The following CCND3 variants were observed in gnomAD, a reference collection of about 807,000 sequenced individuals.
The protein encoded by CCND3 is cyclin D3.
CCND3 carries 9 observed loss-of-function variants against 28.7 expected under a neutral mutation model. The ratio of observed to expected loss-of-function variants is 0.31; its 90% CI spans 0.19 to 0.55. CCND3 has a LOEUF of 0.55. Among genes scored for constraint, CCND3 ranks in the 20% least tolerant of loss-of-function variants. CCND3 has a pLI of 0.93. For missense variants in CCND3, 315 were observed against 385.8 expected (o/e 0.82, Z 1.54); for synonymous variants, 164 against 163.9 (o/e 1.00, Z 0.00).
At chr6:41,959,469 G>T (rs539316370) in intron 1 of CCND3, among the ~76,000 whole-genome samples, 15 of 152,172 alleles carry the variant, frequency 9.9e-5, no homozygotes, top group Admixed American at 3.3e-4. Flanking sequence ...CAGATCACAA[G>T]GTCAGGAGAT....
chr6:42,044,519 C>T (rs1019509021), intron 1 of CCND3, among the ~76,000 whole-genome samples: 1 of 152,218 alleles, frequency 6.6e-6, no homozygotes, highest in African/African-American at 2.4e-5. Context: ...TTGAGGTCGT[C>T]TTGCTGGCAG....
At chr6:41,997,567 C>T (rs1018359290) in intron 1 of CCND3, among the ~76,000 whole-genome samples, 2 of 152,058 alleles carry the variant, frequency 1.3e-5, no homozygotes, top group Non-Finnish European at 2.9e-5. Flanking sequence ...ACCTACTTTA[C>T]CAAACAGCTT....
At chr6:42,044,825 G>A (rs953185706) in intron 1 of CCND3, among the ~76,000 whole-genome samples, 1 of 144,318 alleles carries the variant, frequency 6.9e-6, no homozygotes, top group Admixed American at 6.8e-5. Flanking sequence ...GTCTCACTCT[G>A]TTGCCCAGGC....
chr6:42,000,234 C>CTGTTTTTTTTTTTTTTTT (rs1762952658), intron 1 of CCND3, among the ~76,000 whole-genome samples: 1 of 51,012 alleles, frequency 2.0e-5, no homozygotes, highest in African/African-American at 9.2e-5. Context: ...TGAAAACATA[C>CTGTTTTTTTTTTTTTTTT]TTTTTTTTTT....
chr6:41,981,056 A>C (rs146884027), intron 1 of CCND3, among the ~76,000 whole-genome samples: 1 of 152,210 alleles, frequency 6.6e-6, no homozygotes, highest in Non-Finnish European at 1.5e-5. Flanking sequence ...AATAAAAAGC[A>C]TAAGATGGGG....
intron 1 of CCND3, among the ~76,000 whole-genome samples, chr6:42,044,957 G>GTTTTTTTTT (rs1231639248): frequency 1.9e-4 from 9 of 47,138 alleles, no homozygotes; most frequent in African/African-American, 5.0e-4. Flanking sequence ...CCCGGCTAAC[G>GTTTTTTTTT]TTTTTTTTTT....
intron 1 of CCND3, among the ~76,000 whole-genome samples, chr6:42,042,286 C>T (rs1649998035): frequency 6.6e-6 from 1 of 151,950 alleles, no homozygotes; most frequent in Non-Finnish European, 1.5e-5. Flanking sequence ...ACTCAAAGGA[C>T]GTATGGCCTG....
intron 1 of CCND3, chr6:42,018,478 G>A (rs1248252650): frequency 6.6e-6 from 1 of 152,036 alleles, no homozygotes; most frequent in South Asian, 2.1e-4. Flanking sequence ...TCTCTGTATC[G>A]TTCCAATTTT....
At chr6:41,970,477 C>T (rs1762006942) in intron 1 of CCND3, among the ~76,000 whole-genome samples, 1 of 152,158 alleles carries the variant, frequency 6.6e-6, no homozygotes, top group Non-Finnish European at 1.5e-5. Context: ...CTTAATAAGC[C>T]TGTGGTGAGA....
At chr6:42,027,382 G>A (rs1438480688) in intron 1 of CCND3, among the ~76,000 whole-genome samples, 1 of 151,830 alleles carries the variant, frequency 6.6e-6, no homozygotes, top group South Asian at 2.1e-4. Flanking sequence ...AGAGCTTGCA[G>A]CGAGCCGAGA....
In CCND3 at chr6:41,939,606, A is replaced by C. The variant is rs544331922; in HGVS notation, c.414+764T>G. Among the ~76,000 whole-genome samples, 1 of 152,232 alleles carries C rather than the reference A, an allele frequency of 6.6e-6. No individual in the cohort carries two copies. The highest frequency in any genetic ancestry group is 1.9e-4 in the East Asian group (1 of 5,168). On this transcript the variant is annotated intron_variant, in intron 2 of 4. Coordinates refer to ENST00000372991, the MANE Select transcript of CCND3 (RefSeq NM_001760.5). This position sits in a 1 kb window ranked among gnomAD's most constrained non-coding sequence, Gnocchi z 4.2. Reference sequence around the variant, plus strand: ...CAGCAGCTCCCCACAGGGTTATGAAAGACCTTGGTCAGAGAGGGCGGGCCA... The same window carrying C: ...CAGCAGCTCCCCACAGGGTTATGAACGACCTTGGTCAGAGAGGGCGGGCCA...
At chr6:42,007,904 A>G (rs925974784) in intron 1 of CCND3, among the ~76,000 whole-genome samples, 31 of 152,176 alleles carry the variant, frequency 2.0e-4, no homozygotes, top group Middle Eastern at 3.4e-3. Context: ...AAGGCCACTC[A>G]GTGAAGAAAC....
At chr6:41,951,974 C>T (rs1286462261) in intron 1 of CCND3, among the ~76,000 whole-genome samples, 2 of 152,082 alleles carry the variant, frequency 1.3e-5, no homozygotes, top group East Asian at 3.9e-4. Context: ...GTTGGCCAGG[C>T]TGGTCTTGAA....
chr6:41,963,694 T>C (rs1291118121), intron 1 of CCND3, among the ~76,000 whole-genome samples: 4 of 152,228 alleles, frequency 2.6e-5, no homozygotes, highest in Non-Finnish European at 5.9e-5. Flanking sequence ...GAAGCATGGT[T>C]CAAGAGGTAT....
chr6:41,954,250 T>TAAAA lies in CCND3; in HGVS notation c.-45-13669_-45-13666dup, dbSNP rs34556754. On this transcript the variant is annotated intron_variant, in intron 1 of 4. Coordinates refer to the CCND3 transcript ENST00000372988. ...TGGGGTACAGAGCAAGATTCTGCCT[T>TAAAA]AAAAAAAAAAAAAAAAAAAAAAAAA... Among the ~76,000 whole-genome samples, 107 of 35,146 alleles carry TAAAA rather than the reference T, an allele frequency of 3.0e-3. 3 individuals carry two copies. The highest frequency in any genetic ancestry group is 7.2e-3 in the African/African-American group (56 of 7,742). The allele number at this position is 35,146 out of a possible 152,430, so 23.1% of individuals were successfully genotyped here. A position where few individuals can be genotyped will look rare whatever the true frequency, so the allele number is the denominator to read the frequency against.
At position 41,935,032 on chromosome 6, in the gene CCND3, C is replaced by G. The variant is rs1420747678; in HGVS notation, c.*908G>C. The G allele has an allele frequency of 1.7e-5, 4 of 232,978 alleles. No homozygotes were observed. The highest frequency in any genetic ancestry group is 3.4e-5 in the Non-Finnish European group (4 of 117,930). The allele number at this position is 232,978 out of a possible 1,614,324, so 14.4% of individuals were successfully genotyped here. Reference sequence around the variant, plus strand: ...TAAACCTTGCAGCCTTAGGAAAGACCTGTGTCAACAGGGCTTGCCTCCCTC... The same window carrying G: ...TAAACCTTGCAGCCTTAGGAAAGACGTGTGTCAACAGGGCTTGCCTCCCTC... On this transcript the variant is annotated 3_prime_UTR_variant, in exon 5 of 5. Transcript: ENST00000372991.
At chr6:41,950,262 T>C (rs1377525705) in intron 1 of CCND3, among the ~76,000 whole-genome samples, 5 of 151,992 alleles carry the variant, frequency 3.3e-5, no homozygotes. Flanking sequence ...TGTGGAAGGG[T>C]AACCTGCTAC....
At chr6:41,944,416 T>C (rs1428804167), upstream of CCND3, among the ~76,000 whole-genome samples, 1 of 152,050 alleles carries the variant, frequency 6.6e-6, no homozygotes, top group Non-Finnish European at 1.5e-5. Context: ...AAGGGTTTTT[T>C]GTGTTTTTCT....
At chr6:42,027,952 G>A (rs889919802) in intron 1 of CCND3, among the ~76,000 whole-genome samples, 1 of 152,098 alleles carries the variant, frequency 6.6e-6, no homozygotes, top group Non-Finnish European at 1.5e-5. Context: ...TTTCCACGTT[G>A]GTCAGGCTGG....
Sources: allele counts gnomAD v4.1 joint callset (sites outside exome capture counted in the v4.1 genomes callset), GRCh38; gene constraint gnomAD v4.1.1; non-coding constraint Gnocchi (gnomAD v3.1); transcripts MANE v1.5; gene names NCBI Gene and HGNC (gene_info 2026-07-23, HGNC 2026-07-21).